IQCM: variants seen among roughly 807,000 people sequenced by gnomAD.
IQCM encodes IQ motif containing M, also known as IQ domain-containing protein M.
In IQCM, 45 loss-of-function variants were observed where a neutral mutation model predicts 57.6. The observed-to-expected ratio is 0.78, with a 90% CI of 0.62 to 1.00. The LOEUF (loss-of-function observed/expected upper bound fraction) is 1.00. Ranked by LOEUF, IQCM falls within the 50% of genes least tolerant of loss-of-function variation. The pLI, the probability that IQCM is intolerant of heterozygous loss-of-function variation, is 0.00. For synonymous variants in IQCM, 148 were observed against 158.9 expected (o/e 0.93, Z 0.51); for missense variants, 468 against 511.6 (o/e 0.91, Z 0.82).
At chr4:149,760,367 T>G (rs994995477) in intron 2 of IQCM, among the ~76,000 whole-genome samples, 1 of 152,040 alleles carries the variant, frequency 6.6e-6, no homozygotes, top group African/African-American at 2.4e-5. Context: ...TAAAAGCAAT[T>G]TAGAATAAAA....
At chr4:149,696,622 C>CA (rs1297466052) in intron 5 of IQCM, among the ~76,000 whole-genome samples, 1 of 152,102 alleles carries the variant, frequency 6.6e-6, no homozygotes, top group Non-Finnish European at 1.5e-5. Flanking sequence ...TAATGGAACT[C>CA]TTCCATTAAA....
intron 9 of IQCM, among the ~76,000 whole-genome samples, chr4:149,581,970 G>A (rs1752225057): frequency 6.6e-6 from 1 of 151,374 alleles, no homozygotes; most frequent in African/African-American, 2.4e-5. Context: ...GGAGCGGGGA[G>A]GTTTGGTGGG....
Position 149,754,408 on chromosome 4 carries a change from C to T in IQCM, c.-48-11669G>A, listed in dbSNP as rs72728507. Among the ~76,000 whole-genome samples the T allele has an allele frequency of 6.9e-3, 1,051 of 152,346 alleles. 9 individuals carry two copies. The highest frequency in any genetic ancestry group is 0.024 in the South Asian group (118 of 4,822). Reference sequence around the variant, plus strand: ...CTTCCCTTTCGAAATCCAGAGATGGCTATTTCAAGAGCACTAATTAACAAA... The same window carrying T: ...CTTCCCTTTCGAAATCCAGAGATGGTTATTTCAAGAGCACTAATTAACAAA... On this transcript the variant is annotated intron_variant, in intron 2 of 13. Coordinates refer to ENST00000636793, the MANE Select transcript of IQCM (RefSeq NM_001363507.2).
intron 7 of IQCM, among the ~76,000 whole-genome samples, chr4:149,663,177 C>G (rs1343271948): frequency 6.6e-6 from 1 of 151,938 alleles, no homozygotes; most frequent in Admixed American, 6.6e-5. Flanking sequence ...TAAAAGTACT[C>G]TAGATATTTT....
At chr4:149,530,302 A>G (rs1206543534) in intron 12 of IQCM, among the ~76,000 whole-genome samples, 1 of 152,172 alleles carries the variant, frequency 6.6e-6, no homozygotes, top group Non-Finnish European at 1.5e-5. Flanking sequence ...CCTCTCCAGT[A>G]CAATGTAAGC....
chr4:149,566,531 A>G (rs1415053347), intron 9 of IQCM, among the ~76,000 whole-genome samples: 1 of 152,118 alleles, frequency 6.6e-6, no homozygotes, highest in African/African-American at 2.4e-5. Context: ...AGAGAGAGAG[A>G]GAGAAAAGTG....
In IQCM at chr4:149,809,790, A is replaced by G. The variant is rs1320353233; in HGVS notation, c.-49+5521T>C. Among the ~76,000 whole-genome samples the G allele has an allele frequency of 2.0e-5, 3 of 152,282 alleles. No individual in the cohort carries two copies. In the East Asian group the frequency reaches 5.8e-4, roughly 29 times the overall value. On this transcript the variant is annotated intron_variant, in intron 2 of 13. Coordinates refer to ENST00000636793, the MANE Select transcript of IQCM (RefSeq NM_001363507.2). ...TTTGATCATAAAGCATCTCCATTTC[A>G]TATTCTGATAATTACCTAAAACTGA...
At chr4:149,356,047 G>A (rs1391001152) in intron 13 of IQCM, among the ~76,000 whole-genome samples, 2 of 152,132 alleles carry the variant, frequency 1.3e-5, no homozygotes, top group Non-Finnish European at 2.9e-5. Flanking sequence ...GTCTTCTTTT[G>A]AGAAATCTCT....
intron 2 of IQCM, among the ~76,000 whole-genome samples, chr4:149,743,143 T>C (rs887712325): frequency 3.9e-5 from 6 of 152,202 alleles, no homozygotes; most frequent in Admixed American, 6.5e-5. Context: ...TACTTTCTAC[T>C]ACTTGCTTTC....
chr4:149,450,394 G>A (rs1736981856), intron 12 of IQCM, among the ~76,000 whole-genome samples: 1 of 151,748 alleles, frequency 6.6e-6, no homozygotes, highest in Non-Finnish European at 1.5e-5. Context: ...CTTCTGCACA[G>A]CAAAGTAAAC....
intron 12 of IQCM, among the ~76,000 whole-genome samples, chr4:149,506,449 G>A (rs1743823462): frequency 6.6e-6 from 1 of 152,140 alleles, no homozygotes. Flanking sequence ...ATAGATGTGG[G>A]GCAAGAGGTT....
At position 149,780,933 on chromosome 4, in the gene IQCM, G is replaced by A. The variant is rs1580281405; in HGVS notation, c.-49+34378C>T. Among the ~76,000 whole-genome samples the A allele has an allele frequency of 2.0e-5, 3 of 152,130 alleles. No homozygotes were observed. In the East Asian group the frequency reaches 5.8e-4, roughly 29 times the overall value. On this transcript the variant is annotated intron_variant, in intron 2 of 13. Transcript: ENST00000636793. ...GTATCATGCGAAGATGAGTGGTTTA[G>A]ACATGTTGAGTTTAAGGAAATAATA...
chr4:149,715,085 A>G (rs1330934327), intron 5 of IQCM, among the ~76,000 whole-genome samples: 2 of 152,230 alleles, frequency 1.3e-5, no homozygotes, highest in Non-Finnish European at 2.9e-5. Flanking sequence ...GACTACTGTC[A>G]TGGGATCCTT....
chr4:149,674,357 TA>T (rs1344086503), intron 7 of IQCM, among the ~76,000 whole-genome samples: 1 of 152,170 alleles, frequency 6.6e-6, no homozygotes, highest in Non-Finnish European at 1.5e-5. Context: ...TGCCAGACAT[TA>T]TTCTAAAGGA....
At chr4:149,724,733 C>G (rs1765739921) in intron 5 of IQCM, among the ~76,000 whole-genome samples, 1 of 151,904 alleles carries the variant, frequency 6.6e-6, no homozygotes. Context: ...ATTTAAATAA[C>G]TCAAAATAGA....
chr4:149,508,342 C>G (rs1179423064), intron 12 of IQCM, among the ~76,000 whole-genome samples: 1 of 152,112 alleles, frequency 6.6e-6, no homozygotes, highest in Non-Finnish European at 1.5e-5. Context: ...AAGCTGCAGA[C>G]ACTCAATGCC....
At chr4:149,372,230 A>T (rs539845780) in intron 13 of IQCM, among the ~76,000 whole-genome samples, 1 of 152,268 alleles carries the variant, frequency 6.6e-6, no homozygotes, top group East Asian at 1.9e-4. Context: ...TTGTAAGCTT[A>T]GTTGTATTTC....
chr4:149,749,704 A>G lies in IQCM; in HGVS notation c.-48-6965T>C, dbSNP rs552475921. Among the ~76,000 whole-genome samples, 12 of 152,280 alleles carry G rather than the reference A, an allele frequency of 7.9e-5. No individual in the cohort carries two copies. The South Asian group carries it at 2.5e-3, about 32-fold the overall frequency. On this transcript the variant is annotated intron_variant, in intron 2 of 13. Transcript: ENST00000636793. ...GATTATATGTTATAAATCAGTTACAATTTACTTAACAGTAATTATATATAC... is the reference window on the plus strand; with the variant it reads ...GATTATATGTTATAAATCAGTTACAGTTTACTTAACAGTAATTATATATAC...
intron 13 of IQCM, among the ~76,000 whole-genome samples, chr4:149,360,512 C>T (rs1457394762): frequency 6.6e-6 from 1 of 152,130 alleles, no homozygotes; most frequent in Admixed American, 6.5e-5. Context: ...ACCAAAATCT[C>T]AACTTGAATT....
Sources: allele counts gnomAD v4.1 joint callset (sites outside exome capture counted in the v4.1 genomes callset), GRCh38; gene constraint gnomAD v4.1.1; transcripts MANE v1.5; gene names NCBI Gene and HGNC (gene_info 2026-07-23, HGNC 2026-07-21).